Variants in ADPGK observed in about 807,000 individuals in gnomAD.
ADPGK encodes ADP dependent glucokinase.
In ADPGK, 26 loss-of-function variants were observed where a neutral mutation model predicts 42.4. The ratio of observed to expected loss-of-function variants is 0.61; its 90% CI spans 0.45 to 0.85. ADPGK has a LOEUF of 0.85. Among genes scored for constraint, ADPGK ranks in the 40% least tolerant of loss-of-function variants. ADPGK has a pLI of 0.00. For missense variants in ADPGK, 571 were observed against 627.0 expected (o/e 0.91, Z 0.95); for synonymous variants, 267 against 252.6 (o/e 1.06, Z -0.54).
At position 72,783,519 on chromosome 15, in the gene ADPGK, G is replaced by A. The variant is rs762840254; in HGVS notation, c.173C>T (p.Ala58Val). The A allele has an allele frequency of 2.3e-5, 34 of 1,474,654 alleles. No homozygotes were observed. The East Asian group carries it at 7.4e-4, about 32-fold the overall frequency. The allele number at this position is 1,474,654 out of a possible 1,614,324, so 91.3% of individuals were successfully genotyped here. A position where few individuals can be genotyped will look rare whatever the true frequency, so the allele number is the denominator to read the frequency against. The change falls in exon 1 of 7, where the codon GCG becomes GTG. Residue 58 changes from alanine (A) to valine (V), a missense_variant. Physicochemically the swap from Ala to Val is moderately conservative, Grantham distance 64. Transcript: ENST00000456471. The stretch of plus-strand genomic sequence containing the variant: ...CACGATAAGCGCGTCCCAGGCTGCC[G>A]CCAACCGGCCCTCGGGGGAGACGGG... The part of the protein sequence containing the change: ...PGPVSPEGRL[A>V]AAWDALIVRP...
chr15:72,782,537 A>AAAAAC (rs2066473950), intron 1 of ADPGK, among the ~76,000 whole-genome samples: 1 of 150,690 alleles, frequency 6.6e-6, no homozygotes, highest in African/African-American at 2.4e-5. Context: ...CAAAAAAAAA[A>AAAAAC]AAAAAAAAAA....
At chr15:72,766,771 C>T (rs2151082392) in intron 3 of ADPGK, among the ~76,000 whole-genome samples, 1 of 151,980 alleles carries the variant, frequency 6.6e-6, no homozygotes, top group East Asian at 1.9e-4. Flanking sequence ...ACAGTATAAA[C>T]CCTAATGCAA....
At chr15:72,771,902 T>A in intron 2 of ADPGK, 57 bp from the exon 3 acceptor site, 1 of 1,341,122 alleles carries the variant, frequency 7.5e-7, no homozygotes. Context: ...ATCACCCAAG[T>A]TTAATCATTT....
At chr15:72,760,792 T>C (rs2066183041) in intron 3 of ADPGK, among the ~76,000 whole-genome samples, 1 of 152,184 alleles carries the variant, frequency 6.6e-6, no homozygotes, top group Non-Finnish European at 1.5e-5. Flanking sequence ...CAGGCACCTA[T>C]GCAGCTGCTA....
intron 1 of ADPGK, chr15:72,783,090 G>T: frequency 2.0e-6 from 1 of 498,944 alleles, no homozygotes; most frequent in Non-Finnish European, 2.7e-6. Flanking sequence ...GAAGAAAGAG[G>T]AAGAGTGTTG....
intron 4 of ADPGK, chr15:72,758,365 C>A (rs1219874692): frequency 3.4e-6 from 2 of 586,186 alleles, no homozygotes; most frequent in Non-Finnish European, 6.2e-6. Flanking sequence ...CGTAGTGACT[C>A]ACTGGATTCC....
Position 72,764,276 on chromosome 15 carries a change from G to A in ADPGK, c.523-3749C>T, listed in dbSNP as rs369386715. On this transcript the variant is annotated intron_variant, in intron 3 of 6. Coordinates refer to ENST00000456471, the MANE Select transcript of ADPGK (RefSeq NM_001365225.1). ...AAAAGTGCTACTCTAGTGAACATAC[G>A]AATGTAAGAAAGCAAAACAAAACAG... Among the ~76,000 whole-genome samples, 32 of 152,306 alleles carry A rather than the reference G, an allele frequency of 2.1e-4. No individual in the cohort carries two copies. The East Asian group carries it at 5.2e-3, about 25-fold the overall frequency.
At position 72,751,631 on chromosome 15, in the gene ADPGK, A is replaced by C. The variant is rs1338268333; in HGVS notation, c.*710T>G. ...GCAGAAAGCACATCCAAAGCTAGGC[A>C]ATGAAGTTCAGCCTGGGCCACGTGA... On this transcript the variant is annotated 3_prime_UTR_variant, in exon 7 of 7. Coordinates refer to ENST00000456471, the MANE Select transcript of ADPGK (RefSeq NM_001365225.1). The C allele has an allele frequency of 6.6e-6, 1 of 152,654 alleles. No homozygotes were observed. The highest frequency in any genetic ancestry group is 1.5e-5 in the Non-Finnish European group (1 of 68,052). 9.5% of individuals were successfully genotyped at this position (152,654 alleles called of 1,614,324 possible). A position where few individuals can be genotyped will look rare whatever the true frequency, so the allele number is the denominator to read the frequency against.
chr15:72,782,666 C>A (rs1404573216), intron 1 of ADPGK, among the ~76,000 whole-genome samples: 1 of 152,112 alleles, frequency 6.6e-6, no homozygotes, highest in East Asian at 1.9e-4. Flanking sequence ...CCCTCCCGGC[C>A]CCAACACTCC....
chr15:72,764,918 A>G (rs761672269), intron 3 of ADPGK, among the ~76,000 whole-genome samples: 9 of 151,978 alleles, frequency 5.9e-5, no homozygotes, highest in Non-Finnish European at 1.0e-4. Flanking sequence ...TTCTATATAT[A>G]TAACAAAGCC....
intron 3 of ADPGK, among the ~76,000 whole-genome samples, chr15:72,761,419 C>T (rs1293622105): frequency 6.6e-6 from 1 of 152,192 alleles, no homozygotes; most frequent in Non-Finnish European, 1.5e-5. Flanking sequence ...AATAGGACAG[C>T]CTTTCCAATA....
At chr15:72,778,317 G>T (rs2066415009) in intron 1 of ADPGK, among the ~76,000 whole-genome samples, 1 of 152,114 alleles carries the variant, frequency 6.6e-6, no homozygotes, top group African/African-American at 2.4e-5. Flanking sequence ...TTCTTGTTCT[G>T]TTTTATAATA....
At chr15:72,770,279 C>A (rs1295043445) in intron 3 of ADPGK, among the ~76,000 whole-genome samples, 3 of 152,216 alleles carry the variant, frequency 2.0e-5, no homozygotes, top group Admixed American at 6.5e-5. Context: ...AGTCTCCTAC[C>A]AAAGCCAGAC....
Position 72,783,701 on chromosome 15 carries a change from G to C in ADPGK, c.-10C>G, listed in dbSNP as rs575167722. The C allele has an allele frequency of 6.8e-7, 1 of 1,465,452 alleles. No homozygotes were observed. Among genetic ancestry groups the C allele is most frequent in the Non-Finnish European group, 9.0e-7 (1 of 1,115,456 alleles). The allele number at this position is 1,465,452 out of a possible 1,614,324, so 90.8% of individuals were successfully genotyped here. A position where few individuals can be genotyped will look rare whatever the true frequency, so the allele number is the denominator to read the frequency against. On this transcript the variant is annotated 5_prime_UTR_variant, in exon 1 of 7. Transcript: ENST00000456471. ...CGCGCCACAGCGCCATGGGGACCCA[G>C]GCGCCGCACCTGCGCGAACCAACTC...
chr15:72,752,457 T>G lies in ADPGK; in HGVS notation c.1378A>C (p.Ile460Leu). ...AATACTGGTGTGAAGTGGAAGGATA[T>G]TCCCTCTCTGTGCCATTCTACTACT... ...KPVVEWHREG[I>L]SFHFTPVLVC... The change falls in exon 7 of 7, where the codon ATA becomes CTA. Residue 460 changes from isoleucine (I) to leucine (L), a missense_variant. This residue lies in a region of ADPGK where 434 missense variants were observed against 522.7 expected (regional missense o/e 0.83). Transcript: ENST00000456471. 6.2e-7 allele frequency: 1 copy of G among 1,614,190 alleles called. No individual in the cohort carries two copies. Among genetic ancestry groups the G allele is most frequent in the Middle Eastern group, 1.6e-4 (1 of 6,062 alleles).
At chr15:72,754,105 A>AAAAAAC (rs2066081773) in intron 6 of ADPGK, among the ~76,000 whole-genome samples, 1 of 151,984 alleles carries the variant, frequency 6.6e-6, no homozygotes, top group Non-Finnish European at 1.5e-5. Context: ...CAAAAAAAAA[A>AAAAAAC]AAAACAAAAC....
intron 3 of ADPGK, among the ~76,000 whole-genome samples, chr15:72,769,333 C>G (rs769955413): frequency 6.6e-6 from 1 of 152,194 alleles, no homozygotes; most frequent in Non-Finnish European, 1.5e-5. Flanking sequence ...ATTCCTAATT[C>G]TTGCCTAATT....
chr15:72,768,245 A>G (rs533829466), intron 3 of ADPGK, among the ~76,000 whole-genome samples: 2 of 152,272 alleles, frequency 1.3e-5, no homozygotes, highest in South Asian at 2.1e-4. Context: ...ATTTCCCTAT[A>G]TCTATTAAAG....
intron 1 of ADPGK, among the ~76,000 whole-genome samples, chr15:72,782,399 C>T (rs923321338): frequency 9.2e-5 from 14 of 151,804 alleles, no homozygotes. Context: ...GTGGTGCTTG[C>T]CTGTCGTCCC....
Sources: gnomAD v4.1 joint callset for allele counts (sites outside exome capture counted in the v4.1 genomes callset) on GRCh38, gnomAD v4.1.1 for gene constraint, gnomAD v4.1.1 regional missense constraint, MANE v1.5 for transcripts, NCBI Gene and HGNC (gene_info 2026-07-23, HGNC 2026-07-21) for gene names.